The following CCSER1 variants were observed in gnomAD, a reference collection of about 807,000 sequenced individuals.
The protein encoded by CCSER1 is coiled-coil serine rich protein 1.
CCSER1 carries 41 observed loss-of-function variants against 82.0 expected under a neutral mutation model. That is an observed-to-expected ratio of 0.50 (90% CI 0.39 to 0.65). CCSER1 has a LOEUF of 0.65. CCSER1 is among the 30% of genes least tolerant of loss of function. CCSER1 has a pLI of 0.00. For missense variants in CCSER1, 1,119 were observed against 1,064.2 expected, an observed-to-expected ratio of 1.05 and a Z score of -0.72; for synonymous variants, 414 against 383.9, an observed-to-expected ratio of 1.08 and a Z score of -0.92.
At chr4:90,344,059 G>A (rs1741900975) in intron 3 of CCSER1, among the ~76,000 whole-genome samples, 1 of 151,980 alleles carries the variant, frequency 6.6e-6, no homozygotes, top group African/African-American at 2.4e-5. Flanking sequence ...CCAGCCTCTG[G>A]TAACCATCCT....
In CCSER1 at chr4:91,601,601, C is replaced by T. The variant is rs1347955440; in HGVS notation, c.*2544C>T. On this transcript the variant is annotated 3_prime_UTR_variant, in exon 11 of 11. Coordinates refer to ENST00000509176, the MANE Select transcript of CCSER1 (RefSeq NM_001145065.2). ...TACTAAAATCTCTAGTTTTCTAAGA[C>T]AGTTCCATGTATAAAAATGATTTAT... 6.6e-6 allele frequency: 1 copy of T among 152,012 alleles called. No individual in the cohort carries two copies. Among genetic ancestry groups the T allele is most frequent in the Non-Finnish European group, 1.5e-5 (1 of 67,934 alleles). The allele number at this position is 152,012 out of a possible 1,614,324, so 9.4% of individuals were successfully genotyped here.
At chr4:91,122,575 C>T (rs576763729) in intron 10 of CCSER1, among the ~76,000 whole-genome samples, 1 of 151,608 alleles carries the variant, frequency 6.6e-6, no homozygotes, top group Admixed American at 6.6e-5. Context: ...AAAGGAAAAA[C>T]CTATTAAATA....
intron 9 of CCSER1, among the ~76,000 whole-genome samples, chr4:91,024,402 C>T (rs2150536112): frequency 6.6e-6 from 1 of 151,624 alleles, no homozygotes; most frequent in East Asian, 1.9e-4. Context: ...TTGTGTTTAC[C>T]AAAAAATGGT....
chr4:91,105,406 CA>C (rs34348706), intron 10 of CCSER1, among the ~76,000 whole-genome samples: 98,819 of 147,344 alleles, frequency 0.67, 32,684 homozygotes, highest in East Asian at 0.95. Context: ...TAACAGTAAA[CA>C]AAAAAAAAAA....
intron 1 of CCSER1, among the ~76,000 whole-genome samples, chr4:90,279,524 A>G (rs566630656): frequency 4.5e-4 from 68 of 152,168 alleles, no homozygotes; most frequent in African/African-American, 1.5e-3. Context: ...TAGGAATTGA[A>G]TGAAAGATTT....
At chr4:90,939,427 T>C (rs1229489141) in intron 9 of CCSER1, among the ~76,000 whole-genome samples, 1 of 152,210 alleles carries the variant, frequency 6.6e-6, no homozygotes, top group Non-Finnish European at 1.5e-5. Flanking sequence ...TCTGTGTGTC[T>C]CTGTCTGTTG....
intron 5 of CCSER1, among the ~76,000 whole-genome samples, chr4:90,620,745 C>G (rs984729236): frequency 5.9e-5 from 9 of 152,136 alleles, no homozygotes; most frequent in Non-Finnish European, 1.0e-4. Flanking sequence ...TCTTGTCTAA[C>G]AAGAAGAGGT....
intron 5 of CCSER1, among the ~76,000 whole-genome samples, chr4:90,567,448 G>A (rs1031199149): frequency 6.6e-6 from 1 of 151,700 alleles, no homozygotes; most frequent in African/African-American, 2.4e-5. Flanking sequence ...GCACCACTAC[G>A]CTTTCCTAAT....
At chr4:90,870,022 T>C (rs1766247710) in intron 8 of CCSER1, among the ~76,000 whole-genome samples, 1 of 151,944 alleles carries the variant, frequency 6.6e-6, no homozygotes. Flanking sequence ...CATCAAGAAA[T>C]GCACAGATTC....
At chr4:91,474,258 C>A (rs967841639) in intron 10 of CCSER1, among the ~76,000 whole-genome samples, 1 of 151,576 alleles carries the variant, frequency 6.6e-6, no homozygotes, top group African/African-American at 2.4e-5. Flanking sequence ...TATAACACCA[C>A]AAAATGGATA....
chr4:91,514,946 T>A (rs1317763822), intron 10 of CCSER1, among the ~76,000 whole-genome samples: 1 of 152,126 alleles, frequency 6.6e-6, no homozygotes, highest in African/African-American at 2.4e-5. Context: ...CCTGCCTACA[T>A]TAGGAAGAAC....
intron 10 of CCSER1, among the ~76,000 whole-genome samples, chr4:91,305,873 C>T (rs1016971929): frequency 6.6e-6 from 1 of 151,890 alleles, no homozygotes; most frequent in Non-Finnish European, 1.5e-5. Context: ...GGGGAACTGC[C>T]ATTTATAAAA....
At position 90,428,761 on chromosome 4, in the gene CCSER1, G is replaced by A. The variant is rs144352939; in HGVS notation, c.1603+28632G>A. On this transcript the variant is annotated intron_variant, in intron 4 of 10. Coordinates refer to ENST00000509176, the MANE Select transcript of CCSER1 (RefSeq NM_001145065.2). ...AACCCCTGTTGTTCCAGAGTGAACT[G>A]TATTTATTTTTGATAAAGTAAAATA... 2.2e-3 allele frequency among the ~76,000 whole-genome samples: 341 copies of A among 151,910 alleles called. 3 individuals are homozygous for A. The highest frequency in any genetic ancestry group is 2.7e-3 in the Non-Finnish European group (181 of 67,790).
At chr4:91,540,518 CTTGATA>C (rs963434643) in intron 10 of CCSER1, among the ~76,000 whole-genome samples, 2 of 152,026 alleles carry the variant, frequency 1.3e-5, no homozygotes, top group Non-Finnish European at 1.5e-5. Flanking sequence ...CTTTTATTCT[CTTGATA>C]TTGTCTTTTG....
At chr4:90,782,677 C>CTTTTTTTTTTTT (rs1561127476) in intron 7 of CCSER1, among the ~76,000 whole-genome samples, 1 of 95,286 alleles carries the variant, frequency 1.0e-5, no homozygotes, top group African/African-American at 4.7e-5. Context: ...TCTTTCTTTT[C>CTTTTTTTTTTTT]TTTCTTTCTT....
intron 10 of CCSER1, among the ~76,000 whole-genome samples, chr4:91,094,677 TGA>T (rs1385759872): frequency 2.6e-5 from 4 of 152,206 alleles, no homozygotes; most frequent in Admixed American, 6.5e-5. Flanking sequence ...TTAACTTGTA[TGA>T]GTACTGGGGC....
intron 3 of CCSER1, among the ~76,000 whole-genome samples, chr4:90,331,183 A>G (rs1561042599): frequency 6.6e-6 from 1 of 152,046 alleles, no homozygotes; most frequent in Non-Finnish European, 1.5e-5. Context: ...TTCACTAAAA[A>G]TATTTTTTTC....
intron 10 of CCSER1, among the ~76,000 whole-genome samples, chr4:91,276,996 A>G (rs980897024): frequency 5.9e-5 from 9 of 152,074 alleles, no homozygotes; most frequent in Admixed American, 1.3e-4. Context: ...CACTGCTGGG[A>G]TAAATGTCAC....
chr4:90,418,801 T>C (rs1292975992), intron 4 of CCSER1, among the ~76,000 whole-genome samples: 1 of 152,048 alleles, frequency 6.6e-6, no homozygotes, highest in Non-Finnish European at 1.5e-5. Flanking sequence ...ACCTAAGAAG[T>C]TGGAATTAAC....
Sources: allele counts gnomAD v4.1 joint callset (sites outside exome capture counted in the v4.1 genomes callset), GRCh38; gene constraint gnomAD v4.1.1; transcripts MANE v1.5; gene names NCBI Gene and HGNC (gene_info 2026-07-23, HGNC 2026-07-21).